Variants in PPP1R12B observed in about 807,000 individuals in gnomAD.
The protein encoded by PPP1R12B is protein phosphatase 1 regulatory subunit 12B.
In PPP1R12B, 76 loss-of-function variants were observed where a neutral mutation model predicts 126.1. The observed-to-expected ratio is 0.60, with a 90% CI of 0.50 to 0.73. The LOEUF is 0.73. PPP1R12B is among the 30% of genes least tolerant of loss of function. PPP1R12B has a pLI of 0.00. For missense variants in PPP1R12B, 1,052 were observed against 1,205.1 expected (o/e 0.87, Z 1.88); for synonymous variants, 356 against 434.7 (o/e 0.82, Z 2.25).
chr1:202,383,599 C>T lies in PPP1R12B; in HGVS notation c.292-33188C>T, dbSNP rs190196413. On this transcript the variant is annotated intron_variant, in intron 1 of 23. Transcript: ENST00000608999. The stretch of plus-strand genomic sequence containing the variant: ...ATTAACTGGGTGTGGGGGCACACGC[C>T]TGTAATCACAGCTATTCGGGAGGCT... Among the ~76,000 whole-genome samples, 242 of 152,136 alleles carry T rather than the reference C, an allele frequency of 1.6e-3. 4 individuals are homozygous for T. Among genetic ancestry groups the T allele is most frequent in the East Asian group, 7.7e-4 (4 of 5,176 alleles).
intron 18 of PPP1R12B, among the ~76,000 whole-genome samples, chr1:202,519,192 A>G (rs921903153): frequency 3.3e-5 from 5 of 152,174 alleles, no homozygotes; most frequent in African/African-American, 1.2e-4. Context: ...TGTGGCTGAT[A>G]GTCAAGGCTC....
intron 23 of PPP1R12B, among the ~76,000 whole-genome samples, chr1:202,572,626 C>G (rs1572552477): frequency 6.6e-6 from 1 of 152,198 alleles, no homozygotes; most frequent in Admixed American, 6.5e-5. Flanking sequence ...AGGCCTGCAC[C>G]TGGTCTTGGC....
Position 202,434,654 on chromosome 1 carries a change from A to G in PPP1R12B, c.1142-2A>G. Reference sequence around the variant, plus strand: ...TGTTAATTCTCTTGTCTTAAATAACAGATAAAAAGCCAGAAGCCTTTGTCA... The same window carrying G: ...TGTTAATTCTCTTGTCTTAAATAACGGATAAAAAGCCAGAAGCCTTTGTCA... On this transcript the variant is annotated splice_acceptor_variant, in intron 8 of 23. Transcript: ENST00000608999. LOFTEE classifies it high-confidence loss of function. The G allele has an allele frequency of 6.2e-7, 1 of 1,607,864 alleles. No homozygotes were observed. The highest frequency in any genetic ancestry group is 8.5e-7 in the Non-Finnish European group (1 of 1,178,632).
At chr1:202,421,505 T>G (rs987494231) in intron 2 of PPP1R12B, among the ~76,000 whole-genome samples, 1 of 151,784 alleles carries the variant, frequency 6.6e-6, no homozygotes, top group African/African-American at 2.4e-5. Flanking sequence ...CTGGGCGTGG[T>G]GTCACATTCC....
At chr1:202,358,632 A>G (rs1296193508) in intron 1 of PPP1R12B, among the ~76,000 whole-genome samples, 1 of 151,742 alleles carries the variant, frequency 6.6e-6, no homozygotes, top group Admixed American at 6.6e-5. Context: ...CAGTGAGCCA[A>G]GGTGGCACCA....
intron 18 of PPP1R12B, among the ~76,000 whole-genome samples, chr1:202,532,730 C>A (rs955504181): frequency 6.6e-6 from 1 of 151,994 alleles, no homozygotes; most frequent in Non-Finnish European, 1.5e-5. Flanking sequence ...AAGAAAGTCA[C>A]TTCCTTGTGC....
At chr1:202,437,690 C>T in intron 9 of PPP1R12B, 131 bp from the exon 10 acceptor site, 2 of 772,218 alleles carry the variant, frequency 2.6e-6, no homozygotes, top group South Asian at 1.9e-5. Flanking sequence ...AGAAAGACTG[C>T]CATGTATTTG....
At chr1:202,421,867 T>C (rs966960824) in intron 2 of PPP1R12B, among the ~76,000 whole-genome samples, 1 of 152,198 alleles carries the variant, frequency 6.6e-6, no homozygotes, top group African/African-American at 2.4e-5. Flanking sequence ...ACTGGGGCTG[T>C]ACCCTCTGCC....
intron 18 of PPP1R12B, among the ~76,000 whole-genome samples, chr1:202,500,838 G>A (rs1041273078): frequency 4.6e-5 from 7 of 152,008 alleles, no homozygotes; most frequent in Admixed American, 6.6e-5. Context: ...ACATAAATAC[G>A]TACTATTATA....
At position 202,439,388 on chromosome 1, in the gene PPP1R12B, C is replaced by T. The variant is rs571846860; in HGVS notation, c.1459-1318C>T. On this transcript the variant is annotated intron_variant, in intron 10 of 23. Coordinates refer to ENST00000608999, the MANE Select transcript of PPP1R12B (RefSeq NM_002481.4). ...AACTCTTGAAGCTGGTGAAGAAGCA[C>T]GCGGCACAGCGGAGCACGGAGACCG... 383 of 1,267,850 alleles carry T rather than the reference C, an allele frequency of 3.0e-4. No individual in the cohort carries two copies. The Middle Eastern group carries it at 3.3e-3, about 11-fold the overall frequency. The allele number at this position is 1,267,850 out of a possible 1,614,324, so 78.5% of individuals were successfully genotyped here. A position where few individuals can be genotyped will look rare whatever the true frequency, so the allele number is the denominator to read the frequency against.
chr1:202,497,950 G>A (rs1446088686), intron 18 of PPP1R12B, among the ~76,000 whole-genome samples: 2 of 152,112 alleles, frequency 1.3e-5, no homozygotes, highest in Non-Finnish European at 2.9e-5. Context: ...ATAACTCAGA[G>A]GATCTGAGTT....
At chr1:202,567,576 G>T (rs1688178090) in intron 21 of PPP1R12B, 2 of 568,614 alleles carry the variant, frequency 3.5e-6, no homozygotes, top group Admixed American at 3.3e-5. Context: ...TCCCCAGAGG[G>T]AATCCTGCAA....
intron 18 of PPP1R12B, among the ~76,000 whole-genome samples, chr1:202,523,960 G>A (rs1683057890): frequency 6.6e-6 from 1 of 152,142 alleles, no homozygotes; most frequent in Non-Finnish European, 1.5e-5. Flanking sequence ...TGATCTGCCT[G>A]CCTCGGCCTC....
chr1:202,439,696 C>T (rs1261328151), intron 10 of PPP1R12B: 123 of 618,498 alleles, frequency 2.0e-4, no homozygotes, highest in African/African-American at 1.8e-3. Flanking sequence ...GCAGCAAGGA[C>T]TGGGGGTTGT....
At chr1:202,373,663 G>GT (rs397718932) in intron 1 of PPP1R12B, among the ~76,000 whole-genome samples, 60,786 of 148,010 alleles carry the variant, frequency 0.41, 14,379 homozygotes, top group East Asian at 0.7. Context: ...AGATATCTTT[G>GT]TTTTTTTTTT....
chr1:202,496,834 G>A lies in PPP1R12B; in HGVS notation c.2490+12G>A, dbSNP rs757791572. Reference sequence around the variant, plus strand: ...TCAAAGAAACGTGGGTAAGTGACAAGCCAGTGAAGCATGTCTCTTGAGAGC... The same window carrying A: ...TCAAAGAAACGTGGGTAAGTGACAAACCAGTGAAGCATGTCTCTTGAGAGC... On this transcript the variant is annotated intron_variant, in intron 18 of 23. Coordinates refer to ENST00000608999, the MANE Select transcript of PPP1R12B (RefSeq NM_002481.4). The A allele has an allele frequency of 1.2e-6, 2 of 1,607,162 alleles. No individual in the cohort carries two copies. Among genetic ancestry groups the A allele is most frequent in the South Asian group, 2.2e-5 (2 of 90,854 alleles).
rs757769728 is a variant in PPP1R12B at position 202,495,662 on chromosome 1, A to G, written c.2428A>G (p.Ile810Val). 3.1e-6 allele frequency: 5 copies of G among 1,613,998 alleles called. No homozygotes were observed. Among genetic ancestry groups the G allele is most frequent in the South Asian group, 2.2e-5 (2 of 91,086 alleles). Residue 810 changes from isoleucine (I) to valine (V), a missense_variant, in exon 17 of 24, where the codon ATC becomes GTC. Ile to Val is a conservative substitution (Grantham distance 29). Transcript: ENST00000608999. ...CAAGGAACGACGAAGAGGCACAGGC[A>G]TCAATTTCTGGACAAAGGATGTAAG... Reference protein sequence around the residue: ...RPKERRRGTGINFWTKDEDET... With the variant: ...RPKERRRGTGVNFWTKDEDET...
intron 1 of PPP1R12B, among the ~76,000 whole-genome samples, chr1:202,371,258 C>T (rs557737106): frequency 1.5e-3 from 229 of 148,366 alleles, no homozygotes; most frequent in Non-Finnish European, 2.3e-3. Context: ...TGGGCTCAAG[C>T]GATCCTCCTA....
intron 18 of PPP1R12B, among the ~76,000 whole-genome samples, chr1:202,524,122 A>G (rs1683072681): frequency 6.6e-6 from 1 of 152,208 alleles, no homozygotes; most frequent in Admixed American, 6.5e-5. Context: ...AGAAATGATG[A>G]CAGGGGCTTG....
Sources: gnomAD v4.1 joint callset for allele counts (sites outside exome capture counted in the v4.1 genomes callset) on GRCh38, gnomAD v4.1.1 for gene constraint, MANE v1.5 for transcripts, NCBI Gene and HGNC (gene_info 2026-07-23, HGNC 2026-07-21) for gene names.